CORO2A: variants seen among roughly 807,000 people sequenced by gnomAD.
CORO2A encodes coronin-2A.
Under a neutral mutation model 62.4 loss-of-function variants are expected in CORO2A, and 47 were observed. The ratio of observed to expected loss-of-function variants is 0.75; its 90% confidence interval spans 0.60 to 0.96. The LOEUF is 0.96. Ranked by LOEUF, CORO2A falls within the 40% of genes least tolerant of loss-of-function variation. The probability of loss-of-function intolerance (pLI) is 0.00; values close to 1 mark genes in which losing one functional copy is unlikely to be tolerated. For synonymous variants in CORO2A, 273 were observed against 268.9 expected (o/e 1.02, Z -0.15); for missense variants, 610 against 684.1 (o/e 0.89, Z 1.21).
chr9:98,150,063 T>C (rs1012524779), intron 2 of CORO2A, among the ~76,000 whole-genome samples: 1 of 151,794 alleles, frequency 6.6e-6, no homozygotes, highest in African/African-American at 2.4e-5. Context: ...TCCCGAATAG[T>C]TGGGGTTACA....
chr9:98,129,871 T>C lies in CORO2A; in HGVS notation c.890A>G (p.Tyr297Cys), dbSNP rs1827380641. 1.9e-6 allele frequency: 3 copies of C among 1,613,908 alleles called. No individual in the cohort carries two copies. Among genetic ancestry groups the C allele is most frequent in the Non-Finnish European group, 2.5e-6 (3 of 1,179,876 alleles). ...AGGCTTGTCGGCGCTCACCTCGTAG[T>C]AGCGGATGTTGCCATCTCCCTGAGG... ...VVGKGDGNIR[Y>C]YEVSADKPHL... The change falls in exon 8 of 12, where the codon TAC becomes TGC. Residue 297 changes from tyrosine to cysteine, a missense_variant. Tyr to Cys is a radical substitution (Grantham distance 194). Coordinates refer to ENST00000375077, the MANE Select transcript of CORO2A (RefSeq NM_052820.4).
intron 2 of CORO2A, among the ~76,000 whole-genome samples, chr9:98,147,419 G>A (rs905694541): frequency 3.9e-5 from 6 of 152,108 alleles, no homozygotes; most frequent in African/African-American, 1.2e-4. Flanking sequence ...GAAGCAAGAG[G>A]GCAAACTTGA....
intron 2 of CORO2A, among the ~76,000 whole-genome samples, chr9:98,150,148 G>T (rs984496004): frequency 2.0e-5 from 3 of 152,056 alleles, no homozygotes; most frequent in African/African-American, 7.2e-5. Flanking sequence ...GGCCAGGCTG[G>T]TCTCAAACTC....
Position 98,133,161 on chromosome 9 carries a change from C to A in CORO2A, c.525G>T (p.Thr175=), listed in dbSNP as rs735111. 4 of 1,614,078 alleles carry A rather than the reference C, an allele frequency of 2.5e-6. No homozygotes were observed. Among genetic ancestry groups the A allele is most frequent in the Non-Finnish European group, 3.4e-6 (4 of 1,180,030 alleles). The stretch of plus-strand genomic sequence containing the variant: ...GGATCACATCTTGGTGACAGCTAAT[C>A]GTACTCATGGGGCTTGTGATGACAG... The part of the protein sequence containing the change: ...KESVITSPMS[T]ISCHQDVILS... The change falls in exon 5 of 12, where the codon ACG becomes ACT. Residue 175 remains threonine, a synonymous_variant. Coordinates refer to ENST00000375077, the MANE Select transcript of CORO2A (RefSeq NM_052820.4).
chr9:98,146,492 C>T (rs1317247473), intron 2 of CORO2A, among the ~76,000 whole-genome samples: 1 of 152,214 alleles, frequency 6.6e-6, no homozygotes, highest in Non-Finnish European at 1.5e-5. Context: ...GAAGGACTTC[C>T]TGCACGCTGT....
intron 1 of CORO2A, among the ~76,000 whole-genome samples, chr9:98,175,069 C>T (rs1828090682): frequency 6.6e-6 from 1 of 152,208 alleles, no homozygotes; most frequent in Non-Finnish European, 1.5e-5. Flanking sequence ...ATGTTGATTT[C>T]CACAGAGCTC....
intron 1 of CORO2A, among the ~76,000 whole-genome samples, chr9:98,160,184 G>A (rs995174372): frequency 6.6e-5 from 10 of 152,200 alleles, no homozygotes; most frequent in African/African-American, 1.7e-4. Context: ...TGCACAGAAT[G>A]TAGGGATGGA....
intron 1 of CORO2A, among the ~76,000 whole-genome samples, chr9:98,185,473 A>T (rs1483336485): frequency 6.6e-6 from 1 of 152,252 alleles, no homozygotes; most frequent in Non-Finnish European, 1.5e-5. Context: ...CTCCTTCTTC[A>T]GAGGCCTGGG....
intron 2 of CORO2A, among the ~76,000 whole-genome samples, chr9:98,149,409 A>T (rs889390554): frequency 6.6e-6 from 1 of 152,180 alleles, no homozygotes; most frequent in African/African-American, 2.4e-5. Context: ...TGGGTGTGTT[A>T]GTCCATTTTG....
chr9:98,189,237 G>A (rs563511927), intron 1 of CORO2A, among the ~76,000 whole-genome samples: 2 of 152,326 alleles, frequency 1.3e-5, no homozygotes, highest in South Asian at 2.1e-4. Flanking sequence ...GGCACAGTTT[G>A]ACCACAGAAG....
intron 8 of CORO2A, 53 bp downstream of exon 8, chr9:98,129,741 G>T: frequency 7.1e-7 from 1 of 1,399,828 alleles, no homozygotes; most frequent in African/African-American, 1.4e-5. Context: ...CTCCCACCTC[G>T]GCCTCCCGAA....
intron 2 of CORO2A, among the ~76,000 whole-genome samples, chr9:98,156,049 ATT>A (rs56931336): frequency 2.7e-3 from 320 of 119,026 alleles, no homozygotes; most frequent in African/African-American, 5.6e-3. Flanking sequence ...CTTTGTTTGA[ATT>A]TTTTTTTTTT....
intron 1 of CORO2A, among the ~76,000 whole-genome samples, chr9:98,164,283 A>C (rs1486224930): frequency 6.6e-6 from 1 of 152,152 alleles, no homozygotes; most frequent in Non-Finnish European, 1.5e-5. Flanking sequence ...CACACAATAC[A>C]CGTCTCATCA....
chr9:98,154,399 A>G lies in CORO2A; in HGVS notation c.201+3061T>C, dbSNP rs920589538. Among the ~76,000 whole-genome samples, 8 of 146,134 alleles carry G rather than the reference A, an allele frequency of 5.5e-5. No homozygotes were observed. The East Asian group carries it at 1.6e-3, about 30-fold the overall frequency. On this transcript the variant is annotated intron_variant, in intron 2 of 11. Transcript: ENST00000375077. ...TATTTTAAATATATGTATGTAAAAT[A>G]TAAGAAACATGCAAAAAGTGTAAAG...
chr9:98,161,997 A>G (rs1208645868), intron 1 of CORO2A, among the ~76,000 whole-genome samples: 1 of 152,052 alleles, frequency 6.6e-6, no homozygotes. Flanking sequence ...GCTCACAGTC[A>G]CCTCTGTGGC....
intron 1 of CORO2A, among the ~76,000 whole-genome samples, chr9:98,180,462 G>A (rs945368305): frequency 6.6e-5 from 10 of 152,006 alleles, no homozygotes; most frequent in African/African-American, 1.5e-4. Context: ...AAAGGAACCC[G>A]CAACACAGAA....
At chr9:98,149,799 G>T (rs1444382727) in intron 2 of CORO2A, among the ~76,000 whole-genome samples, 3 of 152,174 alleles carry the variant, frequency 2.0e-5, no homozygotes, top group Admixed American at 2.0e-4. Context: ...GTTGGATCTG[G>T]ATTCCTAGGA....
At chr9:98,139,992 G>A (rs1169402711) in intron 2 of CORO2A, among the ~76,000 whole-genome samples, 1 of 151,970 alleles carries the variant, frequency 6.6e-6, no homozygotes, top group Admixed American at 6.6e-5. Context: ...GGATTTCTTG[G>A]GGTCATAGAG....
intron 1 of CORO2A, among the ~76,000 whole-genome samples, chr9:98,185,270 G>A (rs765566556): frequency 1.3e-5 from 2 of 152,184 alleles, no homozygotes; most frequent in Non-Finnish European, 2.9e-5. Context: ...GGGCCCTCAC[G>A]GCTGTGATGG....
Sources: gnomAD v4.1 joint callset for allele counts (sites outside exome capture counted in the v4.1 genomes callset) on GRCh38, gnomAD v4.1.1 for gene constraint, MANE v1.5 for transcripts, NCBI Gene and HGNC (gene_info 2026-07-23, HGNC 2026-07-21) for gene names.